Variants in NINL observed in about 807,000 individuals in gnomAD.
NINL encodes ninein-like protein.
NINL carries 153 observed loss-of-function variants against 160.3 expected under a neutral mutation model. That is an observed-to-expected ratio of 0.95 (90% confidence interval 0.84 to 1.09). The LOEUF (loss-of-function observed/expected upper bound fraction) is 1.09, where lower values mean the gene tolerates loss of function less well. Ranked by LOEUF, NINL falls within the 50% of genes least tolerant of loss-of-function variation. NINL has a pLI of 0.00. For missense variants in NINL, 1,829 were observed against 1,764.0 expected, an observed-to-expected ratio of 1.04 and a Z score of -0.66; for synonymous variants, 800 against 734.8, an observed-to-expected ratio of 1.09 and a Z score of -1.43.
At chr20:25,535,502 T>C (rs1266574852) in intron 1 of NINL, among the ~76,000 whole-genome samples, 1 of 152,146 alleles carries the variant, frequency 6.6e-6, no homozygotes, top group African/African-American at 2.4e-5. Flanking sequence ...CAAAACATAA[T>C]TTTGTACACC....
At chr20:25,479,663 G>A (rs2063344755) in intron 15 of NINL, among the ~76,000 whole-genome samples, 1 of 152,198 alleles carries the variant, frequency 6.6e-6, no homozygotes, top group African/African-American at 2.4e-5. Flanking sequence ...CTGGTACCCT[G>A]ACGGAGGAAC....
At chr20:25,527,174 G>C (rs1391062564) in intron 1 of NINL, among the ~76,000 whole-genome samples, 1 of 150,230 alleles carries the variant, frequency 6.7e-6, no homozygotes, top group Admixed American at 6.6e-5. Context: ...TTTTTTGGGA[G>C]ACAGGGTCTT....
intron 1 of NINL, among the ~76,000 whole-genome samples, chr20:25,527,502 AG>A: frequency 6.6e-6 from 1 of 152,032 alleles, no homozygotes. Flanking sequence ...TTTCCTTACA[AG>A]GGTTTCTGTT....
chr20:25,477,684 T>C (rs417130), intron 16 of NINL, among the ~76,000 whole-genome samples: 68,569 of 152,022 alleles, frequency 0.45, 16,132 homozygotes, highest in East Asian at 0.92. Context: ...CCTCCAAGCA[T>C]TGGCAGATCG....
At chr20:25,531,334 G>A (rs75660746) in intron 1 of NINL, among the ~76,000 whole-genome samples, 1 of 152,066 alleles carries the variant, frequency 6.6e-6, no homozygotes, top group South Asian at 2.1e-4. Flanking sequence ...TCATCACAGG[G>A]TCCTGAGGCG....
intron 1 of NINL, among the ~76,000 whole-genome samples, chr20:25,535,847 A>G (rs964889523): frequency 6.6e-6 from 1 of 152,182 alleles, no homozygotes; most frequent in Non-Finnish European, 1.5e-5. Flanking sequence ...ACATCCTTGA[A>G]AAGCCCAGAA....
intron 16 of NINL, 93 bp from the exon 17 acceptor site, chr20:25,477,182 C>T: frequency 8.2e-7 from 1 of 1,213,910 alleles, no homozygotes. Flanking sequence ...ACGGCTGCGA[C>T]CTCCTCTCTG....
intron 1 of NINL, among the ~76,000 whole-genome samples, chr20:25,556,118 C>A (rs2064863691): frequency 6.6e-6 from 1 of 152,052 alleles, no homozygotes; most frequent in Non-Finnish European, 1.5e-5. Context: ...TTCATTTCTA[C>A]CAAAAAGCAA....
intron 5 of NINL, among the ~76,000 whole-genome samples, chr20:25,508,487 G>T (rs958405922): frequency 3.3e-5 from 5 of 152,248 alleles, no homozygotes; most frequent in Non-Finnish European, 7.3e-5. Context: ...GGAATGGCGG[G>T]GCACCCTGTC....
rs776937859 is a variant in NINL at position 25,469,973 on chromosome 20, T to G, written c.3353+18A>C. 4.4e-6 allele frequency: 7 copies of G among 1,595,658 alleles called. No homozygotes were observed. In the South Asian group the frequency reaches 7.7e-5, roughly 18 times the overall value. On this transcript the variant is annotated intron_variant, in intron 18 of 23. Coordinates refer to ENST00000278886, the MANE Select transcript of NINL (RefSeq NM_025176.6). The stretch of plus-strand genomic sequence containing the variant: ...AAAACGCACCCCCAGAAGGTCTGGG[T>G]AGGGGCGTGGCCCTTACCTCTGTGC...
chr20:25,584,092 G>A (rs2065202331), intron 1 of NINL, among the ~76,000 whole-genome samples: 1 of 152,158 alleles, frequency 6.6e-6, no homozygotes, highest in South Asian at 2.1e-4. Flanking sequence ...CATGGCACAT[G>A]TATACCCATG....
At chr20:25,467,197 T>G (rs975732437) in intron 19 of NINL, among the ~76,000 whole-genome samples, 192 bp downstream of exon 19, 1 of 152,236 alleles carries the variant, frequency 6.6e-6, no homozygotes, top group African/African-American at 2.4e-5. Flanking sequence ...ACCGGCAGAT[T>G]TGACTGGGGC....
chr20:25,556,224 C>T (rs564074635), intron 1 of NINL, among the ~76,000 whole-genome samples: 15 of 152,124 alleles, frequency 9.9e-5, no homozygotes, highest in African/African-American at 3.4e-4. Flanking sequence ...GTCAAGGCTA[C>T]AGTAAGCCAT....
rs989871299 is a variant in NINL at position 25,452,934 on chromosome 20, G to C, written c.*517C>G. 2 of 152,710 alleles carry C rather than the reference G, an allele frequency of 1.3e-5. No homozygotes were observed. The highest frequency in any genetic ancestry group is 4.8e-5 in the African/African-American group (2 of 41,522). The allele number at this position is 152,710 out of a possible 1,614,324, so 9.5% of individuals were successfully genotyped here. On this transcript the variant is annotated 3_prime_UTR_variant, in exon 24 of 24. Transcript: ENST00000278886. ...CACAGATAAGGTCCCCGGAGAAGGGGCTTCCCCTCCTTTCTCGCTGGGTTG... is the reference window on the plus strand; with the variant it reads ...CACAGATAAGGTCCCCGGAGAAGGGCCTTCCCCTCCTTTCTCGCTGGGTTG...
intron 1 of NINL, among the ~76,000 whole-genome samples, chr20:25,532,221 G>T (rs543175427): frequency 6.6e-6 from 1 of 152,232 alleles, no homozygotes; most frequent in Non-Finnish European, 1.5e-5. Flanking sequence ...CCTTCCATGC[G>T]TGGGGCTCTC....
intron 1 of NINL, among the ~76,000 whole-genome samples, chr20:25,548,373 GA>G (rs2064760816): frequency 6.6e-6 from 1 of 152,188 alleles, no homozygotes; most frequent in African/African-American, 2.4e-5. Context: ...TCCTGAGGGG[GA>G]AATCAGAGGA....
chr20:25,511,606 C>T (rs907572541), intron 4 of NINL, among the ~76,000 whole-genome samples: 12 of 152,296 alleles, frequency 7.9e-5, no homozygotes, highest in Admixed American at 3.3e-4. Context: ...CTAAAGGCGG[C>T]TTTCCCCGTG....
At chr20:25,573,431 A>C (rs551242269) in intron 1 of NINL, among the ~76,000 whole-genome samples, 1 of 152,214 alleles carries the variant, frequency 6.6e-6, no homozygotes, top group South Asian at 2.1e-4. Flanking sequence ...TGCGATTAGG[A>C]GCCTAGAGGC....
At position 25,512,840 on chromosome 20, in the gene NINL, G is replaced by A. The variant is rs367810689; in HGVS notation, c.444C>T (p.Ser148=). 80 of 1,611,316 alleles carry A rather than the reference G, an allele frequency of 5.0e-5. 1 individual carries two copies. The South Asian group carries it at 5.4e-4, about 11-fold the overall frequency. Residue 148 remains serine, a synonymous_variant, in exon 4 of 24, where the codon AGC becomes AGT. Transcript: ENST00000278886. The part of the protein sequence containing the change: ...SHLWRSASLE[S]VESPKSDEEA... The stretch of plus-strand genomic sequence containing the variant: ...GGAGAGGGGCCTGACCCACCTCCAC[G>A]CTCTCCAGAGACGCTGAGCGCCAGA...
Sources: allele counts gnomAD v4.1 joint callset (sites outside exome capture counted in the v4.1 genomes callset), GRCh38; gene constraint gnomAD v4.1.1; transcripts MANE v1.5; gene names NCBI Gene and HGNC (gene_info 2026-07-23, HGNC 2026-07-21).